The following HIPK3 variants were observed in gnomAD, a reference collection of about 807,000 sequenced individuals.
HIPK3 encodes the protein homeodomain-interacting protein kinase 3.
A neutral mutation model predicts 124.2 loss-of-function variants in HIPK3; 47 were observed. That is an observed-to-expected ratio of 0.38 (90% confidence interval 0.30 to 0.48). HIPK3 has a LOEUF of 0.48. Among genes scored for constraint, HIPK3 ranks in the 20% least tolerant of loss-of-function variants. HIPK3 has a pLI of 0.98. For missense variants in HIPK3, 1,286 were observed against 1,454.3 expected, an observed-to-expected ratio of 0.88 and a Z score of 1.88; for synonymous variants, 482 against 515.2, an observed-to-expected ratio of 0.94 and a Z score of 0.87.
Position 33,314,637 on chromosome 11 carries a change from C to CA in HIPK3, c.1098-13872dup, listed in dbSNP as rs556627245. On this transcript the variant is annotated intron_variant, in intron 2 of 16. Transcript: ENST00000303296. ...TGTCACTGCACTCCAGCCTGGGTGA[C>CA]AGAGAGAGACTCCATCTCACACACA... Among the ~76,000 whole-genome samples, 848 of 152,196 alleles carry CA rather than the reference C, an allele frequency of 5.6e-3. 8 individuals are homozygous for CA. The highest frequency in any genetic ancestry group is 0.019 in the African/African-American group (808 of 41,522).
At chr11:33,293,812 C>T (rs1851765572) in intron 2 of HIPK3, among the ~76,000 whole-genome samples, 1 of 152,030 alleles carries the variant, frequency 6.6e-6, no homozygotes, top group South Asian at 2.1e-4. Flanking sequence ...AGGAGGAGAA[C>T]AAAATGAGTC....
chr11:33,301,985 T>C (rs1385766114), intron 2 of HIPK3, among the ~76,000 whole-genome samples: 1 of 152,184 alleles, frequency 6.6e-6, no homozygotes, highest in Non-Finnish European at 1.5e-5. Flanking sequence ...TCAGGAGACC[T>C]GTACAGTACC....
In HIPK3 at chr11:33,351,819, G is replaced by A. The variant is rs750197197; in HGVS notation, c.3019G>A (p.Ala1007Thr). ...AGTGGAACTAGAAAATGGCTTAAAT[G>A]CCGATGAGCATATGGCAAACACAGG... is the stretch of plus-strand genomic sequence containing the variant. Reference protein sequence around the residue: ...PPVELENGLNADEHMANTDSI... With the variant: ...PPVELENGLNTDEHMANTDSI... Residue 1007 changes from alanine to threonine, a missense_variant, in exon 15 of 17, where the codon GCC (alanine) becomes ACC (threonine). Physicochemically the swap from Ala to Thr is moderately conservative, Grantham distance 58. Around this residue, in one of 3 missense-constraint regions of HIPK3, gnomAD observed 810 missense variants for 864.9 expected, o/e 0.94. Transcript: ENST00000303296. The A allele has an allele frequency of 6.2e-7, 1 of 1,613,904 alleles. No individual in the cohort carries two copies. Among genetic ancestry groups the A allele is most frequent in the Non-Finnish European group, 8.5e-7 (1 of 1,179,818 alleles).
intron 3 of HIPK3, among the ~76,000 whole-genome samples, chr11:33,333,455 C>T (rs1853048559): frequency 1.3e-5 from 2 of 152,162 alleles, no homozygotes; most frequent in African/African-American, 4.8e-5. Flanking sequence ...TTTCTTAGTT[C>T]ACATTTCTGA....
intron 1 of HIPK3, among the ~76,000 whole-genome samples, chr11:33,264,303 A>G (rs551673800): frequency 6.6e-6 from 1 of 152,304 alleles, no homozygotes; most frequent in Non-Finnish European, 1.5e-5. Context: ...ATCATGTTGA[A>G]CGCAAAGGAT....
chr11:33,278,830 C>T (rs900911275), intron 1 of HIPK3, among the ~76,000 whole-genome samples: 6 of 150,524 alleles, frequency 4.0e-5, no homozygotes, highest in South Asian at 2.1e-4. Flanking sequence ...GGCGACAGAG[C>T]GAGACTCCGT....
chr11:33,294,551 C>T (rs972281640), intron 2 of HIPK3, among the ~76,000 whole-genome samples: 5 of 152,154 alleles, frequency 3.3e-5, no homozygotes, highest in African/African-American at 4.8e-5. Flanking sequence ...TTATCAAAAT[C>T]GTCATCAGTT....
chr11:33,340,953 C>G lies in HIPK3; in HGVS notation c.1614-15C>G. The G allele has an allele frequency of 6.7e-7, 1 of 1,496,514 alleles. No homozygotes were observed. Among genetic ancestry groups the G allele is most frequent in the Non-Finnish European group, 9.2e-7 (1 of 1,092,674 alleles). The allele number at this position is 1,496,514 out of a possible 1,614,324, so 92.7% of individuals were successfully genotyped here. On this transcript the variant is annotated splice_polypyrimidine_tract_variant and intron_variant, in intron 6 of 16. Transcript: ENST00000303296. ...TTAAAATAATACTGTAATACCTTCA[C>G]TTTTTCTTTTACAGTGTAAAGTCCT...
intron 1 of HIPK3, among the ~76,000 whole-genome samples, chr11:33,285,284 T>G (rs1311571481): frequency 1.3e-5 from 2 of 151,194 alleles, no homozygotes; most frequent in Non-Finnish European, 2.9e-5. Context: ...AAATATGATT[T>G]GAAATTTGAT....
At chr11:33,300,542 C>T (rs1851970228) in intron 2 of HIPK3, among the ~76,000 whole-genome samples, 3 of 152,118 alleles carry the variant, frequency 2.0e-5, no homozygotes, top group Admixed American at 2.0e-4. Flanking sequence ...TTTTTTTAGA[C>T]ATAATGCTGT....
At chr11:33,306,301 AT>A (rs1852157090) in intron 2 of HIPK3, among the ~76,000 whole-genome samples, 1 of 152,178 alleles carries the variant, frequency 6.6e-6, no homozygotes, top group African/African-American at 2.4e-5. Flanking sequence ...AATTATAGAA[AT>A]TGTCAATTTG....
intron 2 of HIPK3, among the ~76,000 whole-genome samples, chr11:33,296,289 T>C (rs1425874303): frequency 6.6e-6 from 1 of 152,212 alleles, no homozygotes; most frequent in African/African-American, 2.4e-5. Flanking sequence ...TGACTTACCT[T>C]GTGCTTTTTC....
intron 2 of HIPK3, among the ~76,000 whole-genome samples, chr11:33,301,707 A>C (rs896830509): frequency 2.0e-5 from 3 of 151,632 alleles, no homozygotes; most frequent in Non-Finnish European, 4.4e-5. Context: ...TCTACCTGTC[A>C]GCTATCTGGG....
intron 1 of HIPK3, among the ~76,000 whole-genome samples, chr11:33,276,204 A>G (rs1443097487): frequency 6.6e-6 from 1 of 152,138 alleles, no homozygotes; most frequent in East Asian, 1.9e-4. Flanking sequence ...TTTTGAGAGT[A>G]AGTTGCAGGC....
intron 2 of HIPK3, among the ~76,000 whole-genome samples, chr11:33,293,181 TTTTG>T (rs1851746364): frequency 6.6e-6 from 1 of 152,210 alleles, no homozygotes; most frequent in Non-Finnish European, 1.5e-5. Context: ...AGTTTTTTTG[TTTTG>T]TTTTTGTTTT....
At position 33,292,959 on chromosome 11, in the gene HIPK3, G is replaced by A. The variant is rs545740933; in HGVS notation, c.1097+5448G>A. Among the ~76,000 whole-genome samples the A allele has an allele frequency of 3.5e-4, 54 of 152,198 alleles. 1 individual carries two copies. In the East Asian group the frequency reaches 8.7e-3, roughly 25 times the overall value. On this transcript the variant is annotated intron_variant, in intron 2 of 16. Transcript: ENST00000303296. ...TCACCGTGTTAGCCAGGATGGTCTC[G>A]ATCTCCTGACCTTGTGATCCACCCG...
intron 2 of HIPK3, among the ~76,000 whole-genome samples, chr11:33,305,370 C>G (rs1852126674): frequency 6.6e-6 from 1 of 152,048 alleles, no homozygotes; most frequent in South Asian, 2.1e-4. Flanking sequence ...TTTTCTCTTT[C>G]ATATGTTATT....
chr11:33,320,819 C>T (rs1852642071), intron 2 of HIPK3, among the ~76,000 whole-genome samples: 1 of 152,064 alleles, frequency 6.6e-6, no homozygotes. Context: ...TTTTTCTGAA[C>T]ACATTCAGTT....
chr11:33,314,671 A>C (rs552398337), intron 2 of HIPK3, among the ~76,000 whole-genome samples: 79 of 152,216 alleles, frequency 5.2e-4, no homozygotes, highest in Non-Finnish European at 8.8e-4. Context: ...CACACACACA[A>C]AAACGAATAA....
Sources: allele counts gnomAD v4.1 joint callset (sites outside exome capture counted in the v4.1 genomes callset), GRCh38; gene constraint gnomAD v4.1.1; regional missense constraint gnomAD v4.1.1; transcripts MANE v1.5; gene names NCBI Gene and HGNC (gene_info 2026-07-23, HGNC 2026-07-21).